Variants in CCDC25 observed in about 807,000 individuals in gnomAD.
The protein encoded by CCDC25 is coiled-coil domain-containing protein 25.
CCDC25 carries 16 observed loss-of-function variants against 35.3 expected under a neutral mutation model. The observed-to-expected ratio is 0.45, with a 90% confidence interval of 0.31 to 0.69. The LOEUF is 0.69. CCDC25 is among the 30% of genes least tolerant of loss of function. The pLI, the probability that CCDC25 is intolerant of heterozygous loss-of-function variation, is 0.06. For missense variants in CCDC25, 179 were observed against 250.7 expected (o/e 0.71, Z 1.93); for synonymous variants, 79 against 80.3 (o/e 0.98, Z 0.09).
intron 5 of CCDC25, among the ~76,000 whole-genome samples, chr8:27,752,018 T>A (rs555685229): frequency 1.3e-5 from 2 of 152,184 alleles, no homozygotes; most frequent in African/African-American, 4.8e-5. Flanking sequence ...ACTTGACAAC[T>A]TCGCAATTTA....
chr8:27,769,199 A>G (rs1804503708), intron 1 of CCDC25, among the ~76,000 whole-genome samples: 1 of 152,212 alleles, frequency 6.6e-6, no homozygotes, highest in South Asian at 2.1e-4. Flanking sequence ...TTTTCCATTA[A>G]CTTTGCAGTT....
intron 2 of CCDC25, among the ~76,000 whole-genome samples, chr8:27,763,588 C>T (rs570974055): frequency 2.6e-5 from 4 of 152,162 alleles, no homozygotes; most frequent in South Asian, 2.1e-4. Context: ...CATGGTAGCA[C>T]GTGCCTGTAG....
At chr8:27,769,086 T>C (rs1585379496) in intron 1 of CCDC25, among the ~76,000 whole-genome samples, 1 of 152,362 alleles carries the variant, frequency 6.6e-6, no homozygotes, top group Non-Finnish European at 1.5e-5. Flanking sequence ...GTTAAAAACT[T>C]GGCAAGCCAT....
chr8:27,757,549 T>A (rs1420826738), intron 3 of CCDC25, among the ~76,000 whole-genome samples: 2 of 152,104 alleles, frequency 1.3e-5, no homozygotes, highest in African/African-American at 4.8e-5. Flanking sequence ...TCATGATGGA[T>A]CTATCATCTA....
chr8:27,736,219 C>T lies in CCDC25; in HGVS notation c.624G>A (p.Met208Ile). The T allele has an allele frequency of 2.5e-6, 4 of 1,609,350 alleles. No individual in the cohort carries two copies. The highest frequency in any genetic ancestry group is 3.4e-6 in the Non-Finnish European group (4 of 1,178,248). ...GTCCTTTTCTCCTTTTCTCCTTTTA[C>T]ATGAATTCATCTGAATCATTGCCAT... ...NQDGNDSDEF[M>I] Residue 208 changes from methionine to isoleucine, a missense_variant, in exon 9 of 9, where the codon ATG (methionine) becomes ATA (isoleucine). By Grantham distance (10) the Met-to-Ile change is conservative. Coordinates refer to ENST00000356537, the MANE Select transcript of CCDC25 (RefSeq NM_018246.3).
intron 1 of CCDC25, among the ~76,000 whole-genome samples, chr8:27,771,103 C>G (rs1316823478): frequency 6.6e-6 from 1 of 152,162 alleles, no homozygotes; most frequent in Non-Finnish European, 1.5e-5. Context: ...TGCCTGATGA[C>G]CTGGTAGCCA....
intron 3 of CCDC25, among the ~76,000 whole-genome samples, chr8:27,761,565 C>T (rs898569728): frequency 6.6e-6 from 1 of 152,056 alleles, no homozygotes; most frequent in Non-Finnish European, 1.5e-5. Context: ...TCAGGGATAG[C>T]ATTTGGTAGG....
In CCDC25 at chr8:27,772,563, C is replaced by A. The variant is rs1052508336; in HGVS notation, c.-23G>T. ...CATGATCCCGGGAGCGGTGCGGTGA[C>A]TCCACCGCGGAGCAGCAGCGCTCAA... On this transcript the variant is annotated 5_prime_UTR_variant, in exon 1 of 9. Transcript: ENST00000356537. The A allele has an allele frequency of 1.3e-6, 2 of 1,548,648 alleles. No homozygotes were observed. Among genetic ancestry groups the A allele is most frequent in the Non-Finnish European group, 1.7e-6 (2 of 1,146,270 alleles).
At chr8:27,744,088 C>T (rs1019499302) in intron 7 of CCDC25, among the ~76,000 whole-genome samples, 1 of 151,938 alleles carries the variant, frequency 6.6e-6, no homozygotes, top group Non-Finnish European at 1.5e-5. Context: ...GGAAGAAAGC[C>T]CAGAAGATAT....
At chr8:27,753,886 C>T (rs2128941447) in intron 4 of CCDC25, among the ~76,000 whole-genome samples, 1 of 152,300 alleles carries the variant, frequency 6.6e-6, no homozygotes, top group Non-Finnish European at 1.5e-5. Flanking sequence ...ACTGTTTAAC[C>T]TTGCTAGTAA....
At chr8:27,770,929 G>T (rs1399853153) in intron 1 of CCDC25, among the ~76,000 whole-genome samples, 1 of 152,092 alleles carries the variant, frequency 6.6e-6, no homozygotes, top group Non-Finnish European at 1.5e-5. Flanking sequence ...TTATCTGTGG[G>T]GGATGTCTTC....
intron 3 of CCDC25, among the ~76,000 whole-genome samples, chr8:27,757,131 T>C (rs958686234): frequency 3.9e-5 from 6 of 152,114 alleles, no homozygotes; most frequent in African/African-American, 1.2e-4. Flanking sequence ...AGCATAGGAC[T>C]TAGAGCAAAA....
chr8:27,748,883 GT>G (rs34276982), intron 5 of CCDC25, among the ~76,000 whole-genome samples: 4 of 151,360 alleles, frequency 2.6e-5, no homozygotes, highest in Non-Finnish European at 4.4e-5. Flanking sequence ...TTATCATTGA[GT>G]TTTTTTTTCA....
chr8:27,745,087 C>G (rs904438810), intron 7 of CCDC25, among the ~76,000 whole-genome samples: 17 of 152,280 alleles, frequency 1.1e-4, no homozygotes, highest in African/African-American at 3.6e-4. Context: ...CCTCAGCCAA[C>G]AGGGCTCAAG....
chr8:27,763,679 C>T (rs566892822), intron 2 of CCDC25, among the ~76,000 whole-genome samples: 149 of 152,276 alleles, frequency 9.8e-4, no homozygotes, highest in African/African-American at 3.4e-3. Context: ...AATCACGCCA[C>T]TGCACTCCAG....
intron 5 of CCDC25, among the ~76,000 whole-genome samples, chr8:27,752,284 G>A (rs1803838220): frequency 1.3e-5 from 2 of 152,274 alleles, no homozygotes; most frequent in South Asian, 4.1e-4. Context: ...AAAAAGAGCC[G>A]AGACTTAGAC....
chr8:27,752,207 G>A (rs1803835433), intron 5 of CCDC25, among the ~76,000 whole-genome samples: 1 of 152,126 alleles, frequency 6.6e-6, no homozygotes, highest in African/African-American at 2.4e-5. Context: ...ATTTCCCAAA[G>A]TCTTTTTATA....
chr8:27,764,725 T>C (rs756521674), intron 2 of CCDC25, among the ~76,000 whole-genome samples: 6 of 152,242 alleles, frequency 3.9e-5, no homozygotes, highest in African/African-American at 7.2e-5. Context: ...ATTCAAAGGA[T>C]TCCACAATCT....
At chr8:27,758,305 CTG>C (rs1021135374) in intron 3 of CCDC25, among the ~76,000 whole-genome samples, 77 of 152,298 alleles carry the variant, frequency 5.1e-4, no homozygotes, top group African/African-American at 1.8e-3. Flanking sequence ...AAGATGTAGA[CTG>C]TATGATTCTA....
Sources: gnomAD v4.1 joint callset for allele counts (sites outside exome capture counted in the v4.1 genomes callset) on GRCh38, gnomAD v4.1.1 for gene constraint, MANE v1.5 for transcripts, NCBI Gene and HGNC (gene_info 2026-07-23, HGNC 2026-07-21) for gene names.